Variants in MIA2 observed in about 807,000 individuals in gnomAD.
MIA2 encodes melanoma inhibitory activity protein 2.
In MIA2, 127 loss-of-function variants were observed where a neutral mutation model predicts 167.8. The observed-to-expected ratio is 0.76, with a 90% CI of 0.66 to 0.88. MIA2 has a LOEUF of 0.88. Among genes scored for constraint, MIA2 ranks in the 40% least tolerant of loss-of-function variants. The pLI is 0.00. For missense variants in MIA2, 1,690 were observed against 1,624.7 expected, an observed-to-expected ratio of 1.04 and a Z score of -0.69; for synonymous variants, 552 against 541.9, an observed-to-expected ratio of 1.02 and a Z score of -0.26.
In MIA2 at chr14:39,326,960, C is replaced by T; in HGVS notation, c.3593C>T (p.Ser1198Phe). Reference protein sequence around the residue: ...DRLTDPHRAPSDTGSLSPPWD... With the variant: ...DRLTDPHRAPFDTGSLSPPWD... ...TTAACCGATCCTCATAGGGCTCCCTCTGACACTGGGTCTCTGTCACCTCCA... is the reference window on the plus strand; with the variant it reads ...TTAACCGATCCTCATAGGGCTCCCTTTGACACTGGGTCTCTGTCACCTCCA... Residue 1198 changes from serine to phenylalanine, a missense_variant, in exon 25 of 29, where the codon TCT becomes TTT. Coordinates refer to ENST00000640607, the MANE Select transcript of MIA2 (RefSeq NM_001329214.4). 1 of 1,586,688 alleles carries T rather than the reference C, an allele frequency of 6.3e-7. No individual in the cohort carries two copies.
chr14:39,252,535 T>A (rs1057106386), intron 4 of MIA2, among the ~76,000 whole-genome samples: 14 of 152,194 alleles, frequency 9.2e-5, no homozygotes, highest in Non-Finnish European at 1.5e-5. Flanking sequence ...AGGATACATT[T>A]GCATTGTTTA....
At chr14:39,321,286 G>T (rs946170242) in intron 24 of MIA2, among the ~76,000 whole-genome samples, 2 of 151,926 alleles carry the variant, frequency 1.3e-5, no homozygotes, top group Non-Finnish European at 2.9e-5. Flanking sequence ...GACTTGATGT[G>T]TATCTTTTTA....
rs189958072 is a variant in MIA2 at position 39,236,849 on chromosome 14, G to A, written c.116-73G>A. 2.0e-3 allele frequency: 2,771 copies of A among 1,383,152 alleles called. 6 individuals are homozygous for A. The highest frequency in any genetic ancestry group is 2.7e-3 in the Admixed American group (122 of 44,854). The allele number at this position is 1,383,152 out of a possible 1,614,324, so 85.7% of individuals were successfully genotyped here. On this transcript the variant is annotated intron_variant, in intron 1 of 28. Coordinates refer to ENST00000640607, the MANE Select transcript of MIA2 (RefSeq NM_001329214.4). The stretch of plus-strand genomic sequence containing the variant: ...TGGAAACATATAGGATGGATTGAGG[G>A]ACAGCAAGATGAAAGGAGGAGAAAT...
intron 7 of MIA2, among the ~76,000 whole-genome samples, chr14:39,278,030 G>A (rs900371821): frequency 6.6e-6 from 1 of 151,754 alleles, no homozygotes; most frequent in Non-Finnish European, 1.5e-5. Flanking sequence ...CTGGAGCGCA[G>A]TGGCATGATC....
At chr14:39,295,553 T>C (rs901920381) in intron 13 of MIA2, among the ~76,000 whole-genome samples, 134 of 152,226 alleles carry the variant, frequency 8.8e-4, no homozygotes, top group African/African-American at 2.8e-3. Flanking sequence ...CATGGTTTGT[T>C]CTTTTTTTTT....
At chr14:39,288,606 C>G (rs1429520409) in intron 9 of MIA2, among the ~76,000 whole-genome samples, 1 of 150,364 alleles carries the variant, frequency 6.7e-6, no homozygotes, top group East Asian at 2.0e-4. Context: ...ACCTGAGTAT[C>G]TAGGACTACA....
chr14:39,318,830 A>G (rs1417038497), intron 22 of MIA2, among the ~76,000 whole-genome samples: 1 of 152,144 alleles, frequency 6.6e-6, no homozygotes, highest in Non-Finnish European at 1.5e-5. Context: ...AGGCACTTTC[A>G]TTGTGAATAA....
In MIA2 at chr14:39,321,074, C is replaced by G; in HGVS notation, c.3496+18C>G. Reference sequence around the variant, plus strand: ...AGGAAGAGGTATATTGTTTAAACATCTTTATTACTCTAGATTTCTTCCTTA... The same window carrying G: ...AGGAAGAGGTATATTGTTTAAACATGTTTATTACTCTAGATTTCTTCCTTA... On this transcript the variant is annotated intron_variant, in intron 24 of 28. Coordinates refer to ENST00000640607, the MANE Select transcript of MIA2 (RefSeq NM_001329214.4). The G allele has an allele frequency of 6.3e-7, 1 of 1,596,528 alleles. No homozygotes were observed. Among genetic ancestry groups the G allele is most frequent in the Non-Finnish European group, 8.5e-7 (1 of 1,173,826 alleles).
At chr14:39,321,571 C>T (rs1345058516) in intron 24 of MIA2, among the ~76,000 whole-genome samples, 1 of 152,086 alleles carries the variant, frequency 6.6e-6, no homozygotes, top group Non-Finnish European at 1.5e-5. Flanking sequence ...CCTCCTCGGC[C>T]TCCCAAAGTG....
chr14:39,279,784 C>T (rs1214082235), intron 9 of MIA2, among the ~76,000 whole-genome samples: 1 of 152,168 alleles, frequency 6.6e-6, no homozygotes, highest in Non-Finnish European at 1.5e-5. Context: ...CACACAAACA[C>T]ATCCTCTGCA....
At chr14:39,244,957 T>C (rs886094011) in intron 3 of MIA2, among the ~76,000 whole-genome samples, 9 of 152,098 alleles carry the variant, frequency 5.9e-5, no homozygotes, top group African/African-American at 2.2e-4. Flanking sequence ...TTGTATTTTT[T>C]TGTAGAGACA....
intron 9 of MIA2, among the ~76,000 whole-genome samples, chr14:39,282,479 T>C (rs1304561208): frequency 6.6e-6 from 1 of 152,206 alleles, no homozygotes; most frequent in Non-Finnish European, 1.5e-5. Context: ...GCAGCTATAA[T>C]GTACTCATAT....
chr14:39,326,551 G>C (rs951840576), intron 24 of MIA2, among the ~76,000 whole-genome samples: 3 of 150,676 alleles, frequency 2.0e-5, no homozygotes, highest in Non-Finnish European at 4.4e-5. Context: ...ATGCTCATTT[G>C]GACTATTGAT....
intron 15 of MIA2, among the ~76,000 whole-genome samples, chr14:39,302,688 T>G (rs1425414488): frequency 6.6e-6 from 1 of 152,210 alleles, no homozygotes; most frequent in African/African-American, 2.4e-5. Flanking sequence ...TGTTAGCCAT[T>G]CAAATTATTA....
downstream of MIA2, among the ~76,000 whole-genome samples, chr14:39,355,547 C>G (rs1192859593): frequency 6.6e-6 from 1 of 152,068 alleles, no homozygotes; most frequent in African/African-American, 2.4e-5. Flanking sequence ...CCTTTATTTC[C>G]TTCTCCTGCC....
intron 7 of MIA2, among the ~76,000 whole-genome samples, chr14:39,277,724 A>ATATATATATATATATATGTGTG (rs1566684603): frequency 0.051 from 156 of 3,072 alleles, 44 homozygotes; most frequent in Admixed American, 0.087. Context: ...ATGTGTGTAT[A>ATATATATATATATATATGTGTG]TATATATATA....
intron 6 of MIA2, chr14:39,266,983 G>A: frequency 3.9e-6 from 3 of 772,686 alleles, no homozygotes; most frequent in Non-Finnish European, 4.7e-6. Flanking sequence ...GTATGAGGCC[G>A]AATCTCATCC....
At chr14:39,285,904 G>C (rs1193646656) in intron 9 of MIA2, among the ~76,000 whole-genome samples, 2 of 151,358 alleles carry the variant, frequency 1.3e-5, no homozygotes, top group Non-Finnish European at 2.9e-5. Flanking sequence ...GGGCAGAGAT[G>C]CTCCTCACTT....
intron 17 of MIA2, among the ~76,000 whole-genome samples, 183 bp downstream of exon 17, chr14:39,304,564 A>G (rs2063030554): frequency 6.6e-6 from 1 of 152,146 alleles, no homozygotes; most frequent in Admixed American, 6.5e-5. Flanking sequence ...TGCTAAAGGC[A>G]TATCGATTTC....
Sources: allele counts gnomAD v4.1 joint callset (sites outside exome capture counted in the v4.1 genomes callset), GRCh38; gene constraint gnomAD v4.1.1; transcripts MANE v1.5; gene names NCBI Gene and HGNC (gene_info 2026-07-23, HGNC 2026-07-21).